MED24: variants seen among roughly 807,000 people sequenced by gnomAD.
MED24 encodes mediator of RNA polymerase II transcription subunit 24.
MED24 carries 74 observed loss-of-function variants against 118.8 expected under a neutral mutation model. The ratio of observed to expected loss-of-function variants is 0.62; its 90% CI spans 0.52 to 0.76. The LOEUF (loss-of-function observed/expected upper bound fraction) is 0.76, where lower values mean the gene tolerates loss of function less well. Ranked by LOEUF, MED24 falls within the 30% of genes least tolerant of loss-of-function variation. The pLI, the probability that MED24 is intolerant of heterozygous loss-of-function variation, is 0.00. For missense variants in MED24, 1,041 were observed against 1,278.9 expected, an observed-to-expected ratio of 0.81 and a Z score of 2.84; for synonymous variants, 521 against 523.9, an observed-to-expected ratio of 0.99 and a Z score of 0.08.
At position 40,027,050 on chromosome 17, in the gene MED24, G is replaced by A. The variant is rs373035845; in HGVS notation, c.1531-16C>T. The A allele has an allele frequency of 5.0e-6, 8 of 1,613,356 alleles. No homozygotes were observed. The highest frequency in any genetic ancestry group is 2.2e-5 in the South Asian group (2 of 91,074). ...ACAGAATCACCTGGGAAAGGGGAAG[G>A]GGGGCACCAGCCGAGTGGGGAGGGC... On this transcript the variant is annotated splice_polypyrimidine_tract_variant and intron_variant, in intron 16 of 25. Transcript: ENST00000394128.
intron 15 of MED24, 48 bp downstream of exon 15, chr17:40,027,861 C>G: frequency 6.3e-7 from 1 of 1,595,416 alleles, no homozygotes; most frequent in South Asian, 1.1e-5. Context: ...TCCCGCCACA[C>G]CCCTCCTCAG....
Position 40,019,601 on chromosome 17 carries a change from C to T in MED24, c.2898G>A (p.Val966=). Residue 966 remains valine, a synonymous_variant, in exon 26 of 26, where the codon GTG becomes GTA. Transcript: ENST00000394128. Reference sequence around the variant, plus strand: ...GGCTGAGGTCCGTGATGGCCAGAACCACCTTGGGGCTGGACATGGCTGACA... The same window carrying T: ...GGCTGAGGTCCGTGATGGCCAGAACTACCTTGGGGCTGGACATGGCTGACA... ...VKVSAMSSPK[V]VLAITDLSLP... is the part of the protein sequence containing the mutation. 6.2e-7 allele frequency: 1 copy of T among 1,609,274 alleles called. No homozygotes were observed. The highest frequency in any genetic ancestry group is 8.5e-7 in the Non-Finnish European group (1 of 1,177,368).
At chr17:40,021,185 C>G (rs1265512474) in intron 23 of MED24, 2 of 152,592 alleles carry the variant, frequency 1.3e-5, no homozygotes, top group African/African-American at 2.4e-5. Flanking sequence ...GTGGTGAGCA[C>G]ACAGGGCCAG....
intron 3 of MED24, among the ~76,000 whole-genome samples, chr17:40,042,633 C>T (rs1002025178): frequency 1.3e-5 from 2 of 151,912 alleles, no homozygotes; most frequent in African/African-American, 2.4e-5. Context: ...GAGCCGAGAT[C>T]GCACCACTGC....
Position 40,022,484 on chromosome 17 carries a change from C to T in MED24, c.2433G>A (p.Lys811=), listed in dbSNP as rs1363064536. The T allele has an allele frequency of 1.2e-6, 2 of 1,606,982 alleles. No individual in the cohort carries two copies. The highest frequency in any genetic ancestry group is 1.7e-5 in the Admixed American group (1 of 58,632). Residue 811 remains lysine (K), a splice_region_variant and synonymous_variant, in exon 22 of 26, where the codon AAG becomes AAA. Coordinates refer to ENST00000394128, the MANE Select transcript of MED24 (RefSeq NM_014815.4). ...LMDPPGTALA[K]LAVWCALSSY... The stretch of plus-strand genomic sequence containing the variant: ...AACTGAGGGCACACCACACGGCCAG[C>T]CTGGCAAAGGGTTCCAGAAAAAGGG...
intron 22 of MED24, 111 bp downstream of exon 22, chr17:40,022,283 T>A: frequency 8.5e-7 from 1 of 1,179,374 alleles, no homozygotes; most frequent in Non-Finnish European, 1.2e-6. Flanking sequence ...CAGGCACAGC[T>A]GCCCCAAGGG....
intron 3 of MED24, among the ~76,000 whole-genome samples, chr17:40,051,748 C>T (rs1212326518): frequency 1.3e-5 from 2 of 151,504 alleles, no homozygotes; most frequent in Non-Finnish European, 2.9e-5. Context: ...AATGGTAAAA[C>T]CTCATCTCTA....
intron 9 of MED24, chr17:40,032,363 G>A (rs1252002381): frequency 5.2e-6 from 3 of 571,470 alleles, no homozygotes; most frequent in East Asian, 3.0e-5. Context: ...CAGCTTCAAG[G>A]AGGACTGGGG....
chr17:40,027,068 G>A lies in MED24; in HGVS notation c.1531-34C>T, dbSNP rs183938899. The A allele has an allele frequency of 1.6e-4, 260 of 1,609,288 alleles. 1 individual carries two copies. The African/African-American group carries it at 2.7e-3, about 17-fold the overall frequency. On this transcript the variant is annotated intron_variant, in intron 16 of 25. Transcript: ENST00000394128. ...GGGGAAGGGGGGCACCAGCCGAGTG[G>A]GGAGGGCGCGGCGCCTGCCAGCGCT...
At chr17:40,020,978 C>G (rs1368690094) in intron 23 of MED24, among the ~76,000 whole-genome samples, 1 of 152,038 alleles carries the variant, frequency 6.6e-6, no homozygotes, top group Admixed American at 6.5e-5. Context: ...GAGGCTGAGA[C>G]AGGAAAATTG....
At chr17:40,031,412 T>C in intron 11 of MED24, 126 bp downstream of exon 11, 2 of 1,252,006 alleles carry the variant, frequency 1.6e-6, no homozygotes, top group Non-Finnish European at 2.3e-6. Flanking sequence ...TGGGCTCCTA[T>C]TTCCTGCCCC....
Position 40,032,050 on chromosome 17 carries a change from C to G in MED24, c.977G>C (p.Gly326Ala). 6.2e-7 allele frequency: 1 copy of G among 1,613,854 alleles called. No individual in the cohort carries two copies. Among genetic ancestry groups the G allele is most frequent in the Non-Finnish European group, 8.5e-7 (1 of 1,179,882 alleles). ...TCTCAATCCCCAACTCACCTTGTCT[C>G]CATGAGAGTACTTCTTCAACTTCAC... ...VLVKLKKYSH[G>A]DKDFTEDVNC... The change falls in exon 10 of 26, where the codon GGA becomes GCA. Residue 326 changes from glycine (G) to alanine (A), a missense_variant. Transcript: ENST00000394128.
At chr17:40,023,688 T>C in intron 19 of MED24, 1 of 325,106 alleles carries the variant, frequency 3.1e-6, no homozygotes. Context: ...ATTCTCCAAC[T>C]TCCCCCATCC....
chr17:40,026,931 G>T lies in MED24; in HGVS notation c.1634C>A (p.Pro545His). Residue 545 changes from proline (P) to histidine (H), a missense_variant, in exon 17 of 26, where the codon CCC (proline) becomes CAC (histidine). Pro to His is a moderately conservative substitution (Grantham distance 77). Transcript: ENST00000394128. ...EEGKILNPDH[P>H]CFRPDSTKVE... ...TTTGGTGGAGTCGGGGCGGAAGCAG[G>T]GGTGGTCAGGGTTCAGGATCTTGCC... 6.2e-7 allele frequency: 1 copy of T among 1,614,202 alleles called. No homozygotes were observed. The highest frequency in any genetic ancestry group is 8.5e-7 in the Non-Finnish European group (1 of 1,180,038).
chr17:40,022,914 T>C, intron 20 of MED24, 88 bp from the exon 21 acceptor site: 2 of 1,492,290 alleles, frequency 1.3e-6, no homozygotes, highest in East Asian at 2.4e-5. Context: ...GGCTGTCCAG[T>C]AAGGCCCGCA....
chr17:40,020,120 C>A, intron 24 of MED24, 153 bp downstream of exon 24: 2 of 1,021,202 alleles, frequency 2.0e-6, no homozygotes, highest in Non-Finnish European at 2.9e-6. Context: ...AGACAGGAGC[C>A]TGGGGGCCAG....
At position 40,033,001 on chromosome 17, in the gene MED24, G is replaced by GC. The variant is rs774302760; in HGVS notation, c.822+54dup. The GC allele has an allele frequency of 2.5e-4, 406 of 1,604,448 alleles. No individual in the cohort carries two copies. Among genetic ancestry groups the GC allele is most frequent in the Non-Finnish European group, 3.4e-4 (396 of 1,175,760 alleles). ...GAGAACCAGAAGAATCCTCCCTCCT[G>GC]CCCCCAACAGGCTGGCCTGCCTTGG... On this transcript the variant is annotated intron_variant, in intron 8 of 25. Transcript: ENST00000394128. The surrounding 1 kb of genome is among the most constrained non-coding windows in gnomAD (Gnocchi z 5.2).
chr17:40,050,862 C>G (rs76649326), intron 3 of MED24, among the ~76,000 whole-genome samples: 10,159 of 152,242 alleles, frequency 0.067, 423 homozygotes, highest in African/African-American at 0.1. Flanking sequence ...TCTGGCTGGG[C>G]GTGGTGGCTC....
Position 40,022,734 on chromosome 17 carries a change from C to T in MED24, c.2343G>A (p.Leu781=). ...IFCLDMQQVT[L]VLLGHILPGL... ...CAGGTAGGATGTGGCCCAGCAGGAC[C>T]AGGGTCACTTGCTGCATGTCCAGGC... Residue 781 remains leucine, a synonymous_variant, in exon 21 of 26, where the codon CTG becomes CTA. Transcript: ENST00000394128. 1.2e-6 allele frequency: 2 copies of T among 1,613,938 alleles called. No individual in the cohort carries two copies. The highest frequency in any genetic ancestry group is 2.2e-5 in the South Asian group (2 of 91,072).
Sources: gnomAD v4.1 joint callset for allele counts (sites outside exome capture counted in the v4.1 genomes callset) on GRCh38, gnomAD v4.1.1 for gene constraint, Gnocchi (gnomAD v3.1) non-coding constraint, MANE v1.5 for transcripts, NCBI Gene and HGNC (gene_info 2026-07-23, HGNC 2026-07-21) for gene names.